Variants in MTHFD1L observed in about 807,000 individuals in gnomAD.
The protein encoded by MTHFD1L is monofunctional C1-tetrahydrofolate synthase, mitochondrial.
Under a neutral mutation model 119.5 loss-of-function variants are expected in MTHFD1L, and 81 were observed. The ratio of observed to expected loss-of-function variants is 0.68; its 90% CI spans 0.57 to 0.82. The LOEUF is 0.82. MTHFD1L is among the 40% of genes least tolerant of loss of function. MTHFD1L has a pLI of 0.00. For synonymous variants in MTHFD1L, 430 were observed against 475.2 expected (o/e 0.90, Z 1.24); for missense variants, 1,125 against 1,253.4 (o/e 0.90, Z 1.55).
At chr6:151,041,799 G>T (rs749953216) in intron 26 of MTHFD1L, 37 of 532,594 alleles carry the variant, frequency 6.9e-5, no homozygotes, top group Admixed American at 1.4e-4. Context: ...CTCCCCTCTG[G>T]CTCTAGTTGG....
intron 19 of MTHFD1L, among the ~76,000 whole-genome samples, chr6:150,968,917 T>C (rs777971854): frequency 4.1e-5 from 6 of 147,200 alleles, no homozygotes; most frequent in African/African-American, 5.0e-5. Context: ...GGTGTGATCT[T>C]GGCTCACTGC....
At chr6:150,937,316 G>A (rs1038600839) in intron 12 of MTHFD1L, among the ~76,000 whole-genome samples, 1 of 152,248 alleles carries the variant, frequency 6.6e-6, no homozygotes, top group Non-Finnish European at 1.5e-5. Flanking sequence ...CTTTAGTCTC[G>A]GCTCATTGGA....
chr6:150,999,241 C>T (rs868064513), intron 20 of MTHFD1L, among the ~76,000 whole-genome samples: 7 of 152,164 alleles, frequency 4.6e-5, no homozygotes, highest in Middle Eastern at 3.4e-3. Flanking sequence ...ACTTCTTTCC[C>T]TTTTGGGTTT....
At chr6:150,910,204 G>A (rs1234647528) in intron 8 of MTHFD1L, among the ~76,000 whole-genome samples, 2 of 151,092 alleles carry the variant, frequency 1.3e-5, no homozygotes, top group Admixed American at 6.6e-5. Context: ...AAAAAATGTA[G>A]TGGAAAGAAC....
intron 7 of MTHFD1L, among the ~76,000 whole-genome samples, chr6:150,893,285 G>A (rs1034696210): frequency 3.9e-5 from 6 of 151,984 alleles, no homozygotes; most frequent in Non-Finnish European, 7.4e-5. Context: ...GGCTGGTCTC[G>A]AACTCCTGAC....
At chr6:151,074,856 A>G (rs1792336051) in intron 26 of MTHFD1L, among the ~76,000 whole-genome samples, 1 of 152,226 alleles carries the variant, frequency 6.6e-6, no homozygotes, top group African/African-American at 2.4e-5. Context: ...AGTACACTGT[A>G]TGATGTTCAC....
rs184302318 is a variant in MTHFD1L at position 150,903,479 on chromosome 6, C to T, written c.781-2171C>T. 6.6e-5 allele frequency among the ~76,000 whole-genome samples: 10 copies of T among 152,168 alleles called. No individual in the cohort carries two copies. In the East Asian group the frequency reaches 1.9e-3, roughly 29 times the overall value. On this transcript the variant is annotated intron_variant, in intron 7 of 27. Transcript: ENST00000367321. ...TTGCCCAGGCTGGAGTGAAGTGGCTCGATCACAGCTCACTGCAGCCATGAC... is the reference window on the plus strand; with the variant it reads ...TTGCCCAGGCTGGAGTGAAGTGGCTTGATCACAGCTCACTGCAGCCATGAC...
chr6:151,052,709 G>A (rs1789254372), intron 26 of MTHFD1L, among the ~76,000 whole-genome samples: 1 of 152,198 alleles, frequency 6.6e-6, no homozygotes, highest in Non-Finnish European at 1.5e-5. Context: ...AGCTCCAGCA[G>A]CACCATTACT....
At chr6:151,097,369 A>T (rs1394741751) in intron 27 of MTHFD1L, among the ~76,000 whole-genome samples, 1 of 152,236 alleles carries the variant, frequency 6.6e-6, no homozygotes, top group African/African-American at 2.4e-5. Context: ...GCATCTACAG[A>T]CAAATGGTTA....
intron 15 of MTHFD1L, among the ~76,000 whole-genome samples, chr6:150,948,147 A>G (rs1172099512): frequency 6.6e-6 from 1 of 151,896 alleles, no homozygotes; most frequent in African/African-American, 2.4e-5. Flanking sequence ...AGCTGGGATT[A>G]CAGGCATGTG....
chr6:150,867,959 G>T (rs1174786557), intron 1 of MTHFD1L, among the ~76,000 whole-genome samples: 2 of 151,838 alleles, frequency 1.3e-5, no homozygotes, highest in Non-Finnish European at 2.9e-5. Flanking sequence ...CACCACGCCC[G>T]GCTAATTTTT....
intron 1 of MTHFD1L, among the ~76,000 whole-genome samples, chr6:150,873,691 CAG>C (rs1291260929): frequency 2.0e-5 from 3 of 151,978 alleles, no homozygotes; most frequent in Non-Finnish European, 4.4e-5. Flanking sequence ...TTTTTTGAGA[CAG>C]AGTCTCGCTC....
chr6:150,918,520 A>G lies in MTHFD1L; in HGVS notation c.893-57A>G. 3.3e-6 allele frequency: 4 copies of G among 1,199,394 alleles called. No individual in the cohort carries two copies. The East Asian group carries it at 7.0e-5, about 21-fold the overall frequency. The allele number at this position is 1,199,394 out of a possible 1,614,324, so 74.3% of individuals were successfully genotyped here. A position where few individuals can be genotyped will look rare whatever the true frequency, so the allele number is the denominator to read the frequency against. The stretch of plus-strand genomic sequence containing the variant: ...GTGTGCTAGCTGTTTACAAGGAGCA[A>G]TTGGTTAGAAATGACAGTGTACTGA... On this transcript the variant is annotated intron_variant, in intron 8 of 27. Coordinates refer to ENST00000367321, the MANE Select transcript of MTHFD1L (RefSeq NM_015440.5).
rs756336497 is a variant in MTHFD1L at position 151,013,819 on chromosome 6, A to C, written c.2306A>C (p.Glu769Ala). The C allele has an allele frequency of 5.0e-6, 8 of 1,611,572 alleles. No individual in the cohort carries two copies. In the South Asian group the frequency reaches 8.8e-5, roughly 18 times the overall value. Residue 769 changes from glutamate to alanine, a missense_variant and splice_region_variant, in exon 22 of 28, where the codon GAG (glutamate) becomes GCG (alanine). This residue lies in a region of MTHFD1L where 1,058 missense variants were observed against 1,151.2 expected (regional missense o/e 0.92). Coordinates refer to ENST00000367321, the MANE Select transcript of MTHFD1L (RefSeq NM_015440.5). ...GVPLKKEYTE[E>A]NIQLVADGCC... ...CCTCTTAAGAAAGAATATACAGAGGAGGTAAGAGGAGCTGTTTAGATGCTT... is the reference window on the plus strand; with the variant it reads ...CCTCTTAAGAAAGAATATACAGAGGCGGTAAGAGGAGCTGTTTAGATGCTT...
intron 1 of MTHFD1L, among the ~76,000 whole-genome samples, chr6:150,874,640 G>T (rs911665312): frequency 6.6e-6 from 1 of 152,212 alleles, no homozygotes; most frequent in Non-Finnish European, 1.5e-5. Context: ...TTGGTCTATT[G>T]TGAGAGGGGG....
intron 1 of MTHFD1L, among the ~76,000 whole-genome samples, chr6:150,871,880 T>A (rs113161430): frequency 0.06 from 9,042 of 150,488 alleles, 818 homozygotes; most frequent in African/African-American, 0.19. Context: ...AATTTAATTT[T>A]ATTTTATTTT....
Position 150,922,269 on chromosome 6 carries a change from G to T in MTHFD1L, c.1049G>T (p.Cys350Phe), listed in dbSNP as rs1465992328. Residue 350 changes from cysteine (C) to phenylalanine (F), a missense_variant, in exon 10 of 28, where the codon TGC becomes TTC. By Grantham distance (205) the Cys-to-Phe change is radical (BLOSUM62 -2). Coordinates refer to ENST00000367321, the MANE Select transcript of MTHFD1L (RefSeq NM_015440.5). ...CAGCACAGGCGGTGGAGACTTCACT[G>T]CTTGAAACTTCAGCCTCTCTCCCCT... ...EQQHRRWRLHCLKLQPLSPVP... is the reference protein window; with the variant it reads ...EQQHRRWRLHFLKLQPLSPVP... 6.2e-7 allele frequency: 1 copy of T among 1,613,920 alleles called. No individual in the cohort carries two copies. Among genetic ancestry groups the T allele is most frequent in the East Asian group, 2.2e-5 (1 of 44,890 alleles).
chr6:151,063,076 A>G (rs918904200), intron 26 of MTHFD1L, among the ~76,000 whole-genome samples: 1 of 152,174 alleles, frequency 6.6e-6, no homozygotes, highest in African/African-American at 2.4e-5. Context: ...CGCTCAGCAC[A>G]TGTGATTTGG....
chr6:151,066,870 G>A (rs533801250), intron 26 of MTHFD1L, among the ~76,000 whole-genome samples: 2 of 152,106 alleles, frequency 1.3e-5, no homozygotes, highest in South Asian at 4.2e-4. Context: ...TCAAGGATAA[G>A]CTCTCATCTT....
Sources: gnomAD v4.1 joint callset for allele counts (sites outside exome capture counted in the v4.1 genomes callset) on GRCh38, gnomAD v4.1.1 for gene constraint, gnomAD v4.1.1 regional missense constraint, MANE v1.5 for transcripts, NCBI Gene and HGNC (gene_info 2026-07-23, HGNC 2026-07-21) for gene names.